DCLK1: variants seen among roughly 807,000 people sequenced by gnomAD.
DCLK1 encodes the protein doublecortin like kinase 1.
A neutral mutation model predicts 86.2 loss-of-function variants in DCLK1; 16 were observed. That is an observed-to-expected ratio of 0.19 (90% CI 0.13 to 0.28). DCLK1 has a LOEUF of 0.28. Ranked by LOEUF, DCLK1 falls within the 10% of genes least tolerant of loss-of-function variation. The pLI is 1.00. For synonymous variants in DCLK1, 369 were observed against 370.5 expected (o/e 1.00, Z 0.05); for missense variants, 590 against 940.2 (o/e 0.63, Z 4.87).
intron 16 of DCLK1, among the ~76,000 whole-genome samples, chr13:35,776,222 A>G (rs1405397837): frequency 6.6e-6 from 1 of 152,192 alleles, no homozygotes; most frequent in Non-Finnish European, 1.5e-5. Context: ...TCCTAACTTT[A>G]TTTAAAACAT....
At chr13:35,943,606 G>A (rs1877206487) in intron 4 of DCLK1, among the ~76,000 whole-genome samples, 1 of 152,226 alleles carries the variant, frequency 6.6e-6, no homozygotes, top group South Asian at 2.1e-4. Context: ...GCCAAGGTGA[G>A]GCTCCGGATG....
chr13:36,129,741 G>A (rs908394664), intron 1 of DCLK1, among the ~76,000 whole-genome samples: 9 of 152,290 alleles, frequency 5.9e-5, no homozygotes, highest in Admixed American at 4.6e-4. Flanking sequence ...GTGGCACCAG[G>A]ATGGTAACCA....
rs114282724 is a variant in DCLK1, at chr13:35,923,893, A to T, written c.823+23465T>A. On this transcript the variant is annotated intron_variant, in intron 4 of 16. Coordinates refer to ENST00000360631, the MANE Select transcript of DCLK1 (RefSeq NM_001330071.2). Reference sequence around the variant, plus strand: ...GAATTTTGATGCTCACAAGACAGTAAGAAGCAGAACAAATGCACATGCTAA... The same window carrying T: ...GAATTTTGATGCTCACAAGACAGTATGAAGCAGAACAAATGCACATGCTAA... Among the ~76,000 whole-genome samples, 975 of 152,294 alleles carry T rather than the reference A, an allele frequency of 6.4e-3. 17 individuals are homozygous for T. The highest frequency in any genetic ancestry group is 0.022 in the African/African-American group (931 of 41,556).
intron 4 of DCLK1, among the ~76,000 whole-genome samples, chr13:35,914,997 A>C (rs371567750): frequency 3.3e-5 from 5 of 152,210 alleles, no homozygotes; most frequent in African/African-American, 1.2e-4. Flanking sequence ...GGGGCAAATA[A>C]ATACTGAAAA....
intron 15 of DCLK1, among the ~76,000 whole-genome samples, chr13:35,804,484 G>A (rs2099186166): frequency 1.3e-5 from 2 of 151,494 alleles, no homozygotes; most frequent in African/African-American, 4.9e-5. Context: ...CCAGATTGGA[G>A]TACAGTGGCA....
At chr13:35,781,835 G>A (rs936482829) in intron 16 of DCLK1, among the ~76,000 whole-genome samples, 4 of 152,140 alleles carry the variant, frequency 2.6e-5, no homozygotes, top group East Asian at 1.9e-4. Context: ...ACTACATTAC[G>A]ATTTGCTTGT....
At chr13:35,904,059 T>C (rs183714241) in intron 4 of DCLK1, among the ~76,000 whole-genome samples, 187 of 152,298 alleles carry the variant, frequency 1.2e-3, no homozygotes, top group Middle Eastern at 6.8e-3. Flanking sequence ...TTTTTTTTTT[T>C]TAAAGTTTAA....
At chr13:36,033,799 C>A (rs913862227) in intron 3 of DCLK1, among the ~76,000 whole-genome samples, 1 of 152,174 alleles carries the variant, frequency 6.6e-6, no homozygotes, top group Non-Finnish European at 1.5e-5. Flanking sequence ...GTGACGCATG[C>A]CTGTAATCCC....
chr13:36,098,091 A>T (rs1176639214), intron 3 of DCLK1, among the ~76,000 whole-genome samples: 2 of 152,168 alleles, frequency 1.3e-5, no homozygotes, highest in Non-Finnish European at 2.9e-5. Flanking sequence ...GGCATACGGT[A>T]AACATTCAAG....
At chr13:35,884,463 A>C (rs1234336631) in intron 4 of DCLK1, among the ~76,000 whole-genome samples, 1 of 152,210 alleles carries the variant, frequency 6.6e-6, no homozygotes, top group Non-Finnish European at 1.5e-5. Flanking sequence ...AGAAACAAGA[A>C]ATAGATAAAT....
intron 3 of DCLK1, among the ~76,000 whole-genome samples, chr13:36,107,065 C>T (rs1279214060): frequency 1.3e-5 from 2 of 151,318 alleles, no homozygotes; most frequent in Non-Finnish European, 2.9e-5. Flanking sequence ...AAATAAATGG[C>T]GGCAATTATT....
chr13:36,111,822 C>G, intron 3 of DCLK1, 47 bp downstream of exon 3: 1 of 1,553,792 alleles, frequency 6.4e-7, no homozygotes, highest in Non-Finnish European at 8.7e-7. Context: ...CTCCGACTCC[C>G]TGGTTCTTGC....
At chr13:36,080,185 T>C (rs1447277198) in intron 3 of DCLK1, among the ~76,000 whole-genome samples, 1 of 151,632 alleles carries the variant, frequency 6.6e-6, no homozygotes, top group Non-Finnish European at 1.5e-5. Flanking sequence ...TAACTGAGAG[T>C]TAATGAAGAA....
chr13:35,812,942 A>G (rs2087178927), intron 11 of DCLK1, among the ~76,000 whole-genome samples: 1 of 152,234 alleles, frequency 6.6e-6, no homozygotes, highest in Non-Finnish European at 1.5e-5. Context: ...TTAAGTTAAA[A>G]ACTTTGAGGC....
intron 4 of DCLK1, among the ~76,000 whole-genome samples, chr13:35,946,633 C>A (rs972695581): frequency 1.3e-5 from 2 of 152,316 alleles, no homozygotes; most frequent in East Asian, 3.9e-4. Context: ...ATGCAATACT[C>A]CCATAATTAA....
intron 3 of DCLK1, among the ~76,000 whole-genome samples, chr13:36,092,169 G>A (rs902731867): frequency 2.0e-5 from 3 of 151,620 alleles, no homozygotes; most frequent in Non-Finnish European, 4.4e-5. Context: ...TTTTCTGACC[G>A]GAAGACAACT....
intron 8 of DCLK1, among the ~76,000 whole-genome samples, chr13:35,834,781 G>A (rs1296540621): frequency 6.6e-6 from 1 of 152,168 alleles, no homozygotes; most frequent in Non-Finnish European, 1.5e-5. Context: ...CCTATGACTC[G>A]TGCCCCTCCT....
At chr13:35,797,516 C>A (rs1172119310) in intron 15 of DCLK1, among the ~76,000 whole-genome samples, 1 of 152,102 alleles carries the variant, frequency 6.6e-6, no homozygotes, top group Non-Finnish European at 1.5e-5. Context: ...TTGAGCTTCC[C>A]TTGGGTTATT....
In DCLK1 at chr13:36,056,540, G is replaced by A. The variant is rs368181393; in HGVS notation, c.723+55329C>T. 8.2e-5 allele frequency among the ~76,000 whole-genome samples: 11 copies of A among 133,436 alleles called. No individual in the cohort carries two copies. The East Asian group carries it at 1.3e-3, about 16-fold the overall frequency. 87.5% of individuals were successfully genotyped at this position (133,436 alleles called of 152,430 possible). A position where few individuals can be genotyped will look rare whatever the true frequency, so the allele number is the denominator to read the frequency against. ...TAGATGATGAGTTAGTGGGTGCAGC[G>A]CACCAGCATGGCACATGTATACATA... On this transcript the variant is annotated intron_variant, in intron 3 of 16. Coordinates refer to ENST00000360631, the MANE Select transcript of DCLK1 (RefSeq NM_001330071.2).
Sources: gnomAD v4.1 joint callset for allele counts (sites outside exome capture counted in the v4.1 genomes callset) on GRCh38, gnomAD v4.1.1 for gene constraint, MANE v1.5 for transcripts, NCBI Gene and HGNC (gene_info 2026-07-23, HGNC 2026-07-21) for gene names.